DGKH: variants seen among roughly 807,000 people sequenced by gnomAD.
DGKH encodes the protein diacylglycerol kinase eta, also known as DAG kinase eta.
A neutral mutation model predicts 159.3 loss-of-function variants in DGKH; 90 were observed. That is an observed-to-expected ratio of 0.57 (90% CI 0.48 to 0.67). DGKH has a LOEUF of 0.67. Among genes scored for constraint, DGKH ranks in the 30% least tolerant of loss-of-function variants. The pLI is 0.00. For missense variants in DGKH, 1,181 were observed against 1,506.1 expected (o/e 0.78, Z 3.57); for synonymous variants, 536 against 553.8 (o/e 0.97, Z 0.45).
chr13:42,215,846 G>A (rs548429089), intron 26 of DGKH, among the ~76,000 whole-genome samples, 179 bp downstream of exon 26: 1 of 152,360 alleles, frequency 6.6e-6, no homozygotes, highest in East Asian at 1.9e-4. Flanking sequence ...GAAGTTGGGA[G>A]TCATGATTCA....
At chr13:42,053,556 GTATATATATA>G (rs1881509999) in intron 1 of DGKH, among the ~76,000 whole-genome samples, 1 of 111,704 alleles carries the variant, frequency 9.0e-6, no homozygotes, top group Non-Finnish European at 1.8e-5. Flanking sequence ...AACTATATAT[GTATATATATA>G]ACTATATATG....
At chr13:42,151,531 G>GTATA (rs146776372) in intron 3 of DGKH, among the ~76,000 whole-genome samples, 1 of 98,094 alleles carries the variant, frequency 1.0e-5, no homozygotes, top group African/African-American at 3.6e-5. Context: ...ATATACACGT[G>GTATA]TATATATATA....
At chr13:42,224,464 C>T (rs1958066353) in intron 29 of DGKH, among the ~76,000 whole-genome samples, 2 of 152,226 alleles carry the variant, frequency 1.3e-5, no homozygotes, top group Non-Finnish European at 2.9e-5. Context: ...TGTATAAGAT[C>T]AATAGCTTCC....
chr13:42,173,782 G>GT (rs1180396860), intron 11 of DGKH, among the ~76,000 whole-genome samples: 1 of 152,118 alleles, frequency 6.6e-6, no homozygotes, highest in East Asian at 1.9e-4. Context: ...ATTTCTTATT[G>GT]TGGGCTATGG....
chr13:42,186,576 G>T (rs377721153), intron 13 of DGKH, among the ~76,000 whole-genome samples: 1 of 152,208 alleles, frequency 6.6e-6, no homozygotes, highest in South Asian at 2.1e-4. Context: ...TCAGCATAAC[G>T]CACAACCTCT....
intron 21 of DGKH, among the ~76,000 whole-genome samples, chr13:42,208,260 G>A (rs900766453): frequency 6.6e-6 from 1 of 152,114 alleles, no homozygotes. Context: ...TGTTTCAGAT[G>A]CATATTATTT....
chr13:42,051,077 A>G (rs1251018105), intron 1 of DGKH, among the ~76,000 whole-genome samples: 1 of 152,220 alleles, frequency 6.6e-6, no homozygotes, highest in Non-Finnish European at 1.5e-5. Flanking sequence ...AATAGCTAAG[A>G]TTATATGCTT....
intron 1 of DGKH, chr13:42,069,553 A>C: frequency 3.1e-6 from 5 of 1,594,788 alleles, no homozygotes; most frequent in Middle Eastern, 2.3e-4. Flanking sequence ...TTTTCCAGCC[A>C]GTTGCCGTGA....
intron 1 of DGKH, among the ~76,000 whole-genome samples, chr13:42,061,474 TTTC>T (rs1340670639): frequency 6.6e-6 from 1 of 152,210 alleles, no homozygotes; most frequent in East Asian, 1.9e-4. Flanking sequence ...GTCTAAGTAA[TTTC>T]TTCTTAACTC....
chr13:42,196,953 T>C (rs1957215578), intron 17 of DGKH, among the ~76,000 whole-genome samples: 1 of 152,084 alleles, frequency 6.6e-6, no homozygotes, highest in Non-Finnish European at 1.5e-5. Flanking sequence ...CCCTAAAACA[T>C]CTTAGAAAAT....
chr13:42,137,759 A>G (rs1215594210), intron 3 of DGKH, among the ~76,000 whole-genome samples: 1 of 152,260 alleles, frequency 6.6e-6, no homozygotes, highest in Non-Finnish European at 1.5e-5. Context: ...AAGAGCTCAC[A>G]GAGGATGGTA....
intron 3 of DGKH, chr13:42,140,908 T>C (rs1297972452): frequency 6.6e-6 from 1 of 151,534 alleles, no homozygotes; most frequent in Non-Finnish European, 1.5e-5. Flanking sequence ...AAATTTTATA[T>C]TTTTATTTAT....
chr13:42,248,336 C>T (rs1264383043), intron 29 of DGKH, among the ~76,000 whole-genome samples: 6 of 151,666 alleles, frequency 4.0e-5, no homozygotes, highest in Non-Finnish European at 5.9e-5. Context: ...GCAGGAGAAT[C>T]GTCTGAACCC....
chr13:42,082,425 C>T (rs112080960), intron 1 of DGKH, among the ~76,000 whole-genome samples: 129 of 152,030 alleles, frequency 8.5e-4, no homozygotes, highest in African/African-American at 2.9e-3. Flanking sequence ...AGTGTTTATT[C>T]TCATGTTGTT....
chr13:42,210,399 T>C (rs1274221634), intron 23 of DGKH, among the ~76,000 whole-genome samples: 2 of 152,190 alleles, frequency 1.3e-5, no homozygotes, highest in Admixed American at 6.5e-5. Context: ...TTTTTAACTT[T>C]TAAATGATGT....
chr13:42,214,357 C>G, intron 24 of DGKH, 150 bp from the exon 25 acceptor site: 3 of 550,510 alleles, frequency 5.4e-6, no homozygotes, highest in Non-Finnish European at 9.0e-6. Flanking sequence ...TCTACCTGTG[C>G]CATTCATAAT....
At chr13:42,211,471 G>GT (rs1253784767) in intron 24 of DGKH, among the ~76,000 whole-genome samples, 1 of 152,196 alleles carries the variant, frequency 6.6e-6, no homozygotes. Flanking sequence ...GCTGAGGCAG[G>GT]TGGATCAGTT....
intron 1 of DGKH, among the ~76,000 whole-genome samples, chr13:42,043,421 G>A (rs1880629623): frequency 1.3e-5 from 2 of 150,590 alleles, no homozygotes; most frequent in Admixed American, 1.3e-4. Flanking sequence ...TGGTATGATC[G>A]TAGCTCACTG....
intron 1 of DGKH, among the ~76,000 whole-genome samples, chr13:42,089,050 A>G (rs547884896): frequency 1.3e-5 from 2 of 152,332 alleles, no homozygotes; most frequent in South Asian, 2.1e-4. Flanking sequence ...CAAAGGGGTA[A>G]ATTCATCAAG....
Sources: gnomAD v4.1 joint callset for allele counts (sites outside exome capture counted in the v4.1 genomes callset) on GRCh38, gnomAD v4.1.1 for gene constraint, MANE v1.5 for transcripts, NCBI Gene and HGNC (gene_info 2026-07-23, HGNC 2026-07-21) for gene names.